Variants in AMPH observed in about 807,000 individuals in gnomAD.
The protein encoded by AMPH is amphiphysin.
AMPH carries 49 observed loss-of-function variants against 99.1 expected under a neutral mutation model. The observed-to-expected ratio is 0.49, with a 90% confidence interval of 0.39 to 0.63. The LOEUF (loss-of-function observed/expected upper bound fraction) is 0.63. Ranked by LOEUF, AMPH falls within the 20% of genes least tolerant of loss-of-function variation. The pLI, the probability that AMPH is intolerant of heterozygous loss-of-function variation, is 0.00. For missense variants in AMPH, 759 were observed against 863.4 expected (o/e 0.88, Z 1.52); for synonymous variants, 314 against 317.3 (o/e 0.99, Z 0.11).
intron 2 of AMPH, among the ~76,000 whole-genome samples, chr7:38,510,986 A>C (rs10246472): frequency 0.35 from 53,363 of 152,020 alleles, 9,894 homozygotes; most frequent in Middle Eastern, 0.43. Context: ...TCCTGGCCTT[A>C]AAATCTGAGC....
intron 1 of AMPH, among the ~76,000 whole-genome samples, chr7:38,552,887 A>T (rs535018935): frequency 6.6e-6 from 1 of 152,330 alleles, no homozygotes. Context: ...ATACATGTGC[A>T]TTGAGACCTC....
At chr7:38,447,042 G>A (rs1394787740) in intron 11 of AMPH, among the ~76,000 whole-genome samples, 2 of 150,244 alleles carry the variant, frequency 1.3e-5, no homozygotes, top group South Asian at 2.1e-4. Flanking sequence ...TGTTTGAGAC[G>A]GAGTTTCACT....
rs557234937 is a variant in AMPH at position 38,407,591 on chromosome 7, T to G, written c.1398+10234A>C. 5.9e-5 allele frequency among the ~76,000 whole-genome samples: 9 copies of G among 152,074 alleles called. No individual in the cohort carries two copies. In the East Asian group the frequency reaches 1.2e-3, roughly 20 times the overall value. On this transcript the variant is annotated intron_variant, in intron 17 of 20. Transcript: ENST00000356264. Reference sequence around the variant, plus strand: ...TATAACCATATAATAAACCTGCACATGTACCCTCTGGATCTAAAATAAAAT... The same window carrying G: ...TATAACCATATAATAAACCTGCACAGGTACCCTCTGGATCTAAAATAAAAT...
chr7:38,614,706 T>A (rs1372999807), intron 1 of AMPH, among the ~76,000 whole-genome samples: 1 of 152,186 alleles, frequency 6.6e-6, no homozygotes, highest in Admixed American at 6.5e-5. Flanking sequence ...AAGCATTCTT[T>A]ATGATTTTTC....
intron 20 of AMPH, among the ~76,000 whole-genome samples, chr7:38,386,285 A>G (rs962274938): frequency 2.6e-5 from 4 of 152,226 alleles, no homozygotes; most frequent in African/African-American, 9.7e-5. Flanking sequence ...CTGAAGCTCT[A>G]GAAAGCATAT....
chr7:38,406,731 C>CTCTCTCTCT lies in AMPH; in HGVS notation c.1398+11093_1398+11094insAGAGAGAGA, dbSNP rs1562732477. Among the ~76,000 whole-genome samples the CTCTCTCTCT allele has an allele frequency of 7.1e-3, 572 of 80,590 alleles. 78 individuals are homozygous for CTCTCTCTCT. The highest frequency in any genetic ancestry group is 0.021 in the African/African-American group (377 of 18,246). 52.9% of individuals were successfully genotyped at this position (80,590 alleles called of 152,430 possible). A position where few individuals can be genotyped will look rare whatever the true frequency, so the allele number is the denominator to read the frequency against. Reference sequence around the variant, plus strand: ...CTCCTCTCCTCTCTCTCTCCCTTTCCCTCTCTCTCTCTCTCTCTCTCTCTC... The same window carrying CTCTCTCTCT: ...CTCCTCTCCTCTCTCTCTCCCTTTCCTCTCTCTCTCTCTCTCTCTCTCTCTCTCTCTCTC... On this transcript the variant is annotated intron_variant, in intron 17 of 20. Transcript: ENST00000356264.
chr7:38,503,500 G>GC (rs1276512813), intron 3 of AMPH, 150 bp downstream of exon 3: 20 of 544,896 alleles, frequency 3.7e-5, no homozygotes, highest in African/African-American at 2.4e-4. Flanking sequence ...TGGGGCGGGG[G>GC]GGTGGGTGGT....
intron 15 of AMPH, among the ~76,000 whole-genome samples, chr7:38,426,144 A>T (rs1584073418): frequency 6.6e-6 from 1 of 152,350 alleles, no homozygotes; most frequent in Non-Finnish European, 1.5e-5. Flanking sequence ...ATATATATTT[A>T]GAGAATTATA....
intron 1 of AMPH, among the ~76,000 whole-genome samples, chr7:38,628,447 C>A (rs1181152596): frequency 6.6e-6 from 1 of 152,160 alleles, no homozygotes; most frequent in Non-Finnish European, 1.5e-5. Flanking sequence ...ATTCTCCCTA[C>A]AAATTTGCTC....
At chr7:38,394,441 G>A (rs1198174934) in intron 17 of AMPH, among the ~76,000 whole-genome samples, 1 of 152,220 alleles carries the variant, frequency 6.6e-6, no homozygotes, top group Non-Finnish European at 1.5e-5. Flanking sequence ...TTTCCCTGCT[G>A]TCAGGTGTAG....
At chr7:38,628,028 T>C (rs1199166063) in intron 1 of AMPH, among the ~76,000 whole-genome samples, 1 of 152,082 alleles carries the variant, frequency 6.6e-6, no homozygotes, top group Non-Finnish European at 1.5e-5. Flanking sequence ...TCAGTAGAAA[T>C]CACCAAACAA....
chr7:38,525,277 T>TAGAGAGAGAGAG (rs66462162), intron 2 of AMPH, among the ~76,000 whole-genome samples: 18 of 86,648 alleles, frequency 2.1e-4, no homozygotes, highest in African/African-American at 2.8e-4. Flanking sequence ...TATATATATA[T>TAGAGAGAGAGAG]AGAGAGAGAG....
At chr7:38,618,955 AT>A (rs1793963662) in intron 1 of AMPH, among the ~76,000 whole-genome samples, 1 of 152,350 alleles carries the variant, frequency 6.6e-6, no homozygotes, top group African/African-American at 2.4e-5. Flanking sequence ...GATCCAAAAA[AT>A]CTAACAAAAT....
At chr7:38,568,440 G>A (rs1791824460) in intron 1 of AMPH, among the ~76,000 whole-genome samples, 1 of 152,144 alleles carries the variant, frequency 6.6e-6, no homozygotes, top group African/African-American at 2.4e-5. Context: ...ACTCCAGCCT[G>A]GGCGGCAAAG....
chr7:38,511,657 T>C (rs952960409), intron 2 of AMPH, among the ~76,000 whole-genome samples: 1 of 152,238 alleles, frequency 6.6e-6, no homozygotes, highest in Non-Finnish European at 1.5e-5. Context: ...TAAAACAGAA[T>C]TGTAATTATG....
chr7:38,537,797 A>AC (rs1328500259), intron 1 of AMPH, among the ~76,000 whole-genome samples: 2 of 152,260 alleles, frequency 1.3e-5, no homozygotes, highest in African/African-American at 2.4e-5. Flanking sequence ...CCAGAGGTGG[A>AC]CAAGTTGGTA....
intron 14 of AMPH, 133 bp from the exon 15 acceptor site, chr7:38,427,119 A>C: frequency 2.7e-6 from 2 of 741,606 alleles, no homozygotes; most frequent in Non-Finnish European, 2.2e-6. Context: ...GTTGCTGTGC[A>C]TGAAAGAACT....
chr7:38,564,141 A>G (rs1791648068), intron 1 of AMPH, among the ~76,000 whole-genome samples: 1 of 152,228 alleles, frequency 6.6e-6, no homozygotes, highest in Non-Finnish European at 1.5e-5. Context: ...TTAAATGTGT[A>G]GTTGAAGTAA....
chr7:38,622,407 T>C (rs1794102445), intron 1 of AMPH, among the ~76,000 whole-genome samples: 1 of 151,984 alleles, frequency 6.6e-6, no homozygotes. Context: ...GTCATATATA[T>C]GAATGTATGT....
Sources: gnomAD v4.1 joint callset for allele counts (sites outside exome capture counted in the v4.1 genomes callset) on GRCh38, gnomAD v4.1.1 for gene constraint, MANE v1.5 for transcripts, NCBI Gene and HGNC (gene_info 2026-07-23, HGNC 2026-07-21) for gene names.